SYT9: variants seen among roughly 807,000 people sequenced by gnomAD.
SYT9 encodes synaptotagmin-9.
Under a neutral mutation model 48.4 loss-of-function variants are expected in SYT9, and 22 were observed. That is an observed-to-expected ratio of 0.45 (90% CI 0.32 to 0.65). SYT9 has a LOEUF of 0.65. SYT9 is among the 30% of genes least tolerant of loss of function. The probability of loss-of-function intolerance (pLI) is 0.03; values close to 1 mark genes in which losing one functional copy is unlikely to be tolerated. For missense variants in SYT9, 577 were observed against 622.0 expected (o/e 0.93, Z 0.77); for synonymous variants, 265 against 245.0 (o/e 1.08, Z -0.76).
chr11:7,410,245 T>C (rs946932679), intron 3 of SYT9, among the ~76,000 whole-genome samples: 2 of 152,212 alleles, frequency 1.3e-5, no homozygotes, highest in African/African-American at 4.8e-5. Flanking sequence ...TTGAGAATCG[T>C]TTTGTGACCT....
chr11:7,420,731 A>G (rs1033455942), intron 6 of SYT9, 96 bp downstream of exon 6: 9 of 1,492,570 alleles, frequency 6.0e-6, no homozygotes, highest in East Asian at 2.3e-5. Context: ...ACCAGGATCT[A>G]TGGTCATAGA....
chr11:7,249,257 C>A (rs552400823), upstream of SYT9, among the ~76,000 whole-genome samples: 8 of 152,288 alleles, frequency 5.3e-5, no homozygotes, highest in Middle Eastern at 3.4e-3. Context: ...CTTCTGGACC[C>A]CTCTCCAGCA....
chr11:7,303,534 T>C, intron 2 of SYT9, 144 bp downstream of exon 2: 1 of 730,142 alleles, frequency 1.4e-6, no homozygotes, highest in Non-Finnish European at 2.2e-6. Flanking sequence ...GAAAACTCCA[T>C]GCTTCCTACG....
At position 7,361,048 on chromosome 11, in the gene SYT9, T is replaced by C. The variant is rs1180258748; in HGVS notation, c.1044+47107T>C. Among the ~76,000 whole-genome samples the C allele has an allele frequency of 2.0e-5, 3 of 152,150 alleles. No individual in the cohort carries two copies. The South Asian group carries it at 6.2e-4, about 31-fold the overall frequency. On this transcript the variant is annotated intron_variant, in intron 3 of 6. Transcript: ENST00000318881. ...TCCTAAAATACACATAGTTATGGCT[T>C]TTCATTTCTAACATTTTTTATCTCT... is the stretch of plus-strand genomic sequence containing the variant.
At chr11:7,443,506 A>T (rs1006405819) in intron 6 of SYT9, among the ~76,000 whole-genome samples, 1 of 152,206 alleles carries the variant, frequency 6.6e-6, no homozygotes, top group African/African-American at 2.4e-5. Flanking sequence ...TGCTGAATGC[A>T]TGAAAGAGGC....
At chr11:7,397,196 G>C (rs1161918209) in intron 3 of SYT9, among the ~76,000 whole-genome samples, 3 of 152,040 alleles carry the variant, frequency 2.0e-5, no homozygotes, top group Non-Finnish European at 2.9e-5. Context: ...AAAACATCAT[G>C]GTTCTTTTTT....
At chr11:7,283,564 CA>C (rs2133906357) in intron 1 of SYT9, among the ~76,000 whole-genome samples, 1 of 152,176 alleles carries the variant, frequency 6.6e-6, no homozygotes, top group East Asian at 1.9e-4. Context: ...TTAATGTTTT[CA>C]GTAAAAATAA....
At chr11:7,299,930 C>T (rs2346809) in intron 1 of SYT9, among the ~76,000 whole-genome samples, 149,570 of 152,240 alleles carry the variant, frequency 0.98, 73,529 homozygotes, top group Middle Eastern at 1. Context: ...TGAGAGGTCA[C>T]GTTGTACTAA....
At chr11:7,301,226 A>G (rs750477758) in intron 1 of SYT9, among the ~76,000 whole-genome samples, 4 of 152,212 alleles carry the variant, frequency 2.6e-5, no homozygotes, top group Non-Finnish European at 4.4e-5. Flanking sequence ...CAGTATTTTC[A>G]AACAGAGATA....
At chr11:7,433,183 A>G (rs993849512) in intron 6 of SYT9, among the ~76,000 whole-genome samples, 3 of 152,128 alleles carry the variant, frequency 2.0e-5, no homozygotes, top group Non-Finnish European at 4.4e-5. Context: ...GCCTTCTGCC[A>G]TAAGTAAAAG....
chr11:7,436,549 C>T (rs1390377790), intron 6 of SYT9, among the ~76,000 whole-genome samples: 1 of 152,206 alleles, frequency 6.6e-6, no homozygotes, highest in Non-Finnish European at 1.5e-5. Context: ...AATGTAAGAG[C>T]TCTTAGCAAA....
intron 1 of SYT9, among the ~76,000 whole-genome samples, chr11:7,271,406 C>T (rs1348328994): frequency 6.6e-6 from 1 of 152,130 alleles, no homozygotes; most frequent in Non-Finnish European, 1.5e-5. Context: ...CCTGTTGGGT[C>T]TGTAGCAAGA....
chr11:7,318,334 A>G (rs748330084), intron 3 of SYT9, among the ~76,000 whole-genome samples: 6 of 142,400 alleles, frequency 4.2e-5, no homozygotes, highest in Non-Finnish European at 9.3e-5. Context: ...TTTTTTTTTT[A>G]TGGCATTTTG....
At chr11:7,465,328 T>G (rs896796980) in intron 6 of SYT9, among the ~76,000 whole-genome samples, 5 of 152,202 alleles carry the variant, frequency 3.3e-5, no homozygotes, top group African/African-American at 9.7e-5. Flanking sequence ...TTTAATACTT[T>G]CCTTAAGTAA....
intron 1 of SYT9, among the ~76,000 whole-genome samples, chr11:7,268,012 A>T (rs528509092): frequency 1.4e-3 from 207 of 152,132 alleles, no homozygotes; most frequent in Middle Eastern, 3.4e-3. Context: ...GAGTGAGTAT[A>T]AAAATATTTA....
chr11:7,330,379 G>A (rs1849505685), intron 3 of SYT9, among the ~76,000 whole-genome samples: 1 of 152,090 alleles, frequency 6.6e-6, no homozygotes, highest in African/African-American at 2.4e-5. Context: ...CATTTGCCAG[G>A]GCTTGGGGAT....
At chr11:7,246,688 A>G (rs1847796964) in intron 1 of SYT9, among the ~76,000 whole-genome samples, 1 of 152,182 alleles carries the variant, frequency 6.6e-6, no homozygotes, top group African/African-American at 2.4e-5. Context: ...CCCAAACTCT[A>G]TGACTTAAAA....
intron 3 of SYT9, among the ~76,000 whole-genome samples, chr11:7,352,065 T>C (rs1849926923): frequency 6.6e-6 from 1 of 152,182 alleles, no homozygotes; most frequent in Middle Eastern, 3.2e-3. Flanking sequence ...TGTGGCTATT[T>C]AGTCAAATCC....
At chr11:7,443,002 T>G (rs533261377) in intron 6 of SYT9, among the ~76,000 whole-genome samples, 5 of 151,800 alleles carry the variant, frequency 3.3e-5, no homozygotes, top group Admixed American at 6.6e-5. Flanking sequence ...GAGAGAGAGA[T>G]AATGAATGAA....
Sources: allele counts gnomAD v4.1 joint callset (sites outside exome capture counted in the v4.1 genomes callset), GRCh38; gene constraint gnomAD v4.1.1; transcripts MANE v1.5; gene names NCBI Gene and HGNC (gene_info 2026-07-23, HGNC 2026-07-21).